Variants in THSD7B observed in about 807,000 individuals in gnomAD.
THSD7B encodes thrombospondin type-1 domain-containing protein 7B.
In THSD7B, 138 loss-of-function variants were observed where a neutral mutation model predicts 213.6. That is an observed-to-expected ratio of 0.65 (90% CI 0.56 to 0.74). The LOEUF is 0.74. Ranked by LOEUF, THSD7B falls within the 30% of genes least tolerant of loss-of-function variation. The pLI, the probability that THSD7B is intolerant of heterozygous loss-of-function variation, is 0.00. For missense variants in THSD7B, 1,931 were observed against 1,991.5 expected, an observed-to-expected ratio of 0.97 and a Z score of 0.58; for synonymous variants, 742 against 687.0, an observed-to-expected ratio of 1.08 and a Z score of -1.25.
chr2:137,332,718 C>A (rs1355248845), intron 12 of THSD7B, among the ~76,000 whole-genome samples: 1 of 152,086 alleles, frequency 6.6e-6, no homozygotes, highest in East Asian at 1.9e-4. Flanking sequence ...GTAATTGAAT[C>A]ATGGGGGCAG....
chr2:137,195,380 T>A (rs1479252468), intron 7 of THSD7B, among the ~76,000 whole-genome samples: 1 of 152,106 alleles, frequency 6.6e-6, no homozygotes, highest in Non-Finnish European at 1.5e-5. Context: ...GATCTTGGTT[T>A]CTAAATGCCA....
intron 12 of THSD7B, among the ~76,000 whole-genome samples, chr2:137,365,122 C>G (rs1014288909): frequency 6.6e-6 from 1 of 152,004 alleles, no homozygotes; most frequent in Non-Finnish European, 1.5e-5. Flanking sequence ...ACAAACATGA[C>G]AAAAACAAGA....
chr2:136,831,129 C>T (rs374050661), intron 1 of THSD7B, among the ~76,000 whole-genome samples: 30 of 119,842 alleles, frequency 2.5e-4, no homozygotes, highest in African/African-American at 3.4e-4. Context: ...CCTGTAGAAT[C>T]TTTTTTTTTT....
chr2:136,888,064 T>A (rs954110723), intron 2 of THSD7B, among the ~76,000 whole-genome samples: 2 of 152,178 alleles, frequency 1.3e-5, no homozygotes, highest in African/African-American at 2.4e-5. Flanking sequence ...TGCTTTTATG[T>A]TATACAATTT....
Position 137,556,305 on chromosome 2 carries a change from A to G in THSD7B, c.3139-6916A>G, listed in dbSNP as rs190320095. 2.6e-4 allele frequency among the ~76,000 whole-genome samples: 39 copies of G among 152,246 alleles called. No homozygotes were observed. In the East Asian group the frequency reaches 6.4e-3, roughly 25 times the overall value. On this transcript the variant is annotated intron_variant, in intron 15 of 27. Coordinates refer to ENST00000409968, the MANE Select transcript of THSD7B (RefSeq NM_001316349.2). Reference sequence around the variant, plus strand: ...GGCAGACAGAGAGAAAGGTCGGGTTACCCACAAAGGGAAGCCCATCAGACT... The same window carrying G: ...GGCAGACAGAGAGAAAGGTCGGGTTGCCCACAAAGGGAAGCCCATCAGACT...
intron 15 of THSD7B, among the ~76,000 whole-genome samples, chr2:137,458,696 A>C (rs1687819521): frequency 6.6e-6 from 1 of 152,142 alleles, no homozygotes; most frequent in Non-Finnish European, 1.5e-5. Flanking sequence ...TTCAGGCAAT[A>C]CCAATATAAA....
chr2:137,408,540 G>A (rs1020671716), intron 13 of THSD7B, among the ~76,000 whole-genome samples: 1 of 152,104 alleles, frequency 6.6e-6, no homozygotes, highest in Non-Finnish European at 1.5e-5. Context: ...TGCTATAGTT[G>A]CTGTTGTATT....
intron 15 of THSD7B, among the ~76,000 whole-genome samples, chr2:137,484,868 G>T (rs111996459): frequency 0.013 from 235 of 17,558 alleles, 10 homozygotes; most frequent in African/African-American, 0.021. Flanking sequence ...TGATGGGGTT[G>T]TTTGTTTTTT....
intron 15 of THSD7B, among the ~76,000 whole-genome samples, chr2:137,525,730 AG>A (rs1235297173): frequency 6.6e-6 from 1 of 152,216 alleles, no homozygotes; most frequent in Non-Finnish European, 1.5e-5. Context: ...GCAATGAATG[AG>A]AAGAAAGCTG....
Position 137,310,127 on chromosome 2 carries a change from T to G in THSD7B, c.2500+34101T>G, listed in dbSNP as rs536690422. ...AACTAGTTTACAGTCCCACCAACAG[T>G]GTAATAGTGTTCCTATTTCTCCACA... On this transcript the variant is annotated intron_variant, in intron 12 of 27. Transcript: ENST00000409968. Among the ~76,000 whole-genome samples, 47 of 152,188 alleles carry G rather than the reference T, an allele frequency of 3.1e-4. No homozygotes were observed. The East Asian group carries it at 7.7e-3, about 25-fold the overall frequency.
At chr2:136,831,574 G>T (rs550298416) in intron 1 of THSD7B, among the ~76,000 whole-genome samples, 1 of 152,162 alleles carries the variant, frequency 6.6e-6, no homozygotes, top group Non-Finnish European at 1.5e-5. Flanking sequence ...GCACAACAAG[G>T]CCATTTCTCT....
intron 10 of THSD7B, among the ~76,000 whole-genome samples, chr2:137,259,408 G>T (rs961988213): frequency 6.6e-6 from 1 of 152,182 alleles, no homozygotes; most frequent in Non-Finnish European, 1.5e-5. Flanking sequence ...TCTCATTGTG[G>T]TTTTGATTTG....
chr2:137,350,417 C>T (rs1329922881), intron 12 of THSD7B, among the ~76,000 whole-genome samples: 5 of 151,632 alleles, frequency 3.3e-5, no homozygotes, highest in Non-Finnish European at 5.9e-5. Flanking sequence ...ATGGAATAAT[C>T]GAAATAGAAC....
At chr2:137,238,839 C>T (rs1027597063) in intron 9 of THSD7B, among the ~76,000 whole-genome samples, 5 of 151,646 alleles carry the variant, frequency 3.3e-5, no homozygotes, top group South Asian at 2.1e-4. Flanking sequence ...AGGCGTGAGC[C>T]ACCGCGCCCG....
At chr2:136,804,291 T>C (rs1682244152) in intron 1 of THSD7B, among the ~76,000 whole-genome samples, 1 of 152,128 alleles carries the variant, frequency 6.6e-6, no homozygotes, top group Non-Finnish European at 1.5e-5. Context: ...TGTGAAGGTA[T>C]AATGAATTAA....
intron 1 of THSD7B, among the ~76,000 whole-genome samples, chr2:136,857,498 C>T (rs1418484763): frequency 1.3e-5 from 2 of 152,222 alleles, no homozygotes; most frequent in African/African-American, 4.8e-5. Flanking sequence ...CCCGTCTTTT[C>T]TCTCCCTTGT....
At chr2:137,148,160 G>C (rs766770178) in intron 5 of THSD7B, among the ~76,000 whole-genome samples, 12 of 152,080 alleles carry the variant, frequency 7.9e-5, no homozygotes, top group Non-Finnish European at 1.8e-4. Flanking sequence ...CATGAGATCT[G>C]AAGGTTTTAT....
chr2:137,108,447 T>C (rs148398355), intron 4 of THSD7B, among the ~76,000 whole-genome samples: 16 of 152,334 alleles, frequency 1.1e-4, no homozygotes, highest in African/African-American at 3.8e-4. Flanking sequence ...CTTCCTTCTT[T>C]TGTCCCCCTT....
chr2:137,609,191 T>C (rs972835214), intron 17 of THSD7B, among the ~76,000 whole-genome samples: 1 of 152,074 alleles, frequency 6.6e-6, no homozygotes, highest in Non-Finnish European at 1.5e-5. Flanking sequence ...TATTGTCGAG[T>C]ATCTCTAAAG....
Sources: gnomAD v4.1 joint callset for allele counts (sites outside exome capture counted in the v4.1 genomes callset) on GRCh38, gnomAD v4.1.1 for gene constraint, MANE v1.5 for transcripts, NCBI Gene and HGNC (gene_info 2026-07-23, HGNC 2026-07-21) for gene names.